Variants in GTPBP10 observed in about 807,000 individuals in gnomAD.
The protein encoded by GTPBP10 is GTP binding protein 10.
A neutral mutation model predicts 44.8 loss-of-function variants in GTPBP10; 38 were observed. That is an observed-to-expected ratio of 0.85 (90% CI 0.65 to 1.11). The LOEUF is 1.11. Among genes scored for constraint, GTPBP10 ranks in the 50% most tolerant of loss-of-function variants. The pLI, the probability that GTPBP10 is intolerant of heterozygous loss-of-function variation, is 0.00. For missense variants in GTPBP10, 462 were observed against 453.7 expected, an observed-to-expected ratio of 1.02 and a Z score of -0.17; for synonymous variants, 152 against 150.6, an observed-to-expected ratio of 1.01 and a Z score of -0.07.
At chr7:90,362,772 C>T (rs1437451766) in intron 4 of GTPBP10, among the ~76,000 whole-genome samples, 5 of 152,144 alleles carry the variant, frequency 3.3e-5, no homozygotes, top group African/African-American at 1.2e-4. Context: ...GAGTCTAAGT[C>T]TCTTTGTAGG....
chr7:90,369,127 G>A (rs769529923), intron 4 of GTPBP10, among the ~76,000 whole-genome samples: 7 of 152,206 alleles, frequency 4.6e-5, no homozygotes, highest in Middle Eastern at 3.2e-3. Context: ...AGCGGAGGCT[G>A]CAGAACAGCA....
intron 9 of GTPBP10, among the ~76,000 whole-genome samples, chr7:90,384,557 T>G (rs1796489519): frequency 6.6e-6 from 1 of 152,148 alleles, no homozygotes; most frequent in Non-Finnish European, 1.5e-5. Context: ...TTACAGAAAG[T>G]ATCTTTCAGA....
In GTPBP10 at chr7:90,352,631, A is replaced by G. The variant is rs73707449; in HGVS notation, c.34-185A>G. ...AAACTAAAAGGGACTTAAGAGAGAT[A>G]ATCAAATGGGAAAGGGGGTCAGATC... On this transcript the variant is annotated intron_variant, in intron 1 of 9. Coordinates refer to ENST00000222511, the MANE Select transcript of GTPBP10 (RefSeq NM_033107.4). Among the ~76,000 whole-genome samples, 1,151 of 152,316 alleles carry G rather than the reference A, an allele frequency of 7.6e-3. 12 individuals are homozygous for G. Among genetic ancestry groups the G allele is most frequent in the African/African-American group, 0.026 (1,100 of 41,574 alleles).
intron 5 of GTPBP10, 42 bp downstream of exon 5, chr7:90,372,270 A>G (rs1796271471): frequency 8.5e-7 from 1 of 1,179,064 alleles, no homozygotes; most frequent in Admixed American, 2.0e-5. Flanking sequence ...GTGGAGGTAA[A>G]CTTTTAAAGA....
rs544493634 is a variant in GTPBP10, at chr7:90,353,803, T to C, written c.228-655T>C. 6.8e-5 allele frequency among the ~76,000 whole-genome samples: 10 copies of C among 146,926 alleles called. No homozygotes were observed. The South Asian group carries it at 2.2e-3, about 33-fold the overall frequency. ...TTTAAAAGCTTTGCTATTTGGTGGA[T>C]TTTCTTTTTTTTTTTATAGATTCAT... On this transcript the variant is annotated intron_variant, in intron 2 of 9. Coordinates refer to ENST00000222511, the MANE Select transcript of GTPBP10 (RefSeq NM_033107.4).
chr7:90,388,124 CAA>C lies in GTPBP10; in HGVS notation c.*2972_*2973del, dbSNP rs35714574. 4 of 152,258 alleles carry C rather than the reference CAA, an allele frequency of 2.6e-5. 1 individual carries two copies. Among genetic ancestry groups the C allele is most frequent in the African/African-American group, 7.2e-5 (3 of 41,558 alleles). The allele number at this position is 152,258 out of a possible 1,614,324, so 9.4% of individuals were successfully genotyped here. On this transcript the variant is annotated 3_prime_UTR_variant, in exon 10 of 10. Coordinates refer to ENST00000222511, the MANE Select transcript of GTPBP10 (RefSeq NM_033107.4). The stretch of plus-strand genomic sequence containing the variant: ...AATTCATTAGTATTTTCTGGTTACT[CAA>C]AGTGTACTCTATGTACCTTTTTTTG...
rs1440458387 is a variant in GTPBP10 at position 90,374,372 on chromosome 7, A to G, written c.591+18A>G. On this transcript the variant is annotated intron_variant, in intron 6 of 9. Coordinates refer to ENST00000222511, the MANE Select transcript of GTPBP10 (RefSeq NM_033107.4). ...TCAAACAGGTAGGTATTTTTAAAGT[A>G]AAACACTATATTAGAAGTCAAAAGT... 3 of 1,499,744 alleles carry G rather than the reference A, an allele frequency of 2.0e-6. No homozygotes were observed. Among genetic ancestry groups the G allele is most frequent in the Non-Finnish European group, 1.9e-6 (2 of 1,077,952 alleles). 92.9% of individuals were successfully genotyped at this position (1,499,744 alleles called of 1,614,324 possible).
chr7:90,360,803 C>G (rs1303746596), intron 4 of GTPBP10, among the ~76,000 whole-genome samples: 1 of 152,160 alleles, frequency 6.6e-6, no homozygotes, highest in African/African-American at 2.4e-5. Flanking sequence ...TTTGTGTCCT[C>G]TTTTATTTCG....
At chr7:90,352,016 A>G (rs1381847688) in intron 1 of GTPBP10, among the ~76,000 whole-genome samples, 1 of 152,150 alleles carries the variant, frequency 6.6e-6, no homozygotes, top group Non-Finnish European at 1.5e-5. Flanking sequence ...TTTTTAATGC[A>G]TGGTTTTTGA....
chr7:90,358,903 A>G (rs1350056916), intron 4 of GTPBP10, among the ~76,000 whole-genome samples: 2 of 152,208 alleles, frequency 1.3e-5, no homozygotes, highest in East Asian at 1.9e-4. Context: ...TCAGCAAGGA[A>G]AAAACAATTC....
In GTPBP10 at chr7:90,385,094, G is replaced by A. The variant is rs17863999; in HGVS notation, c.1104G>A (p.Met368Ile). The change falls in exon 10 of 10, where the codon ATG becomes ATA. Residue 368 changes from methionine to isoleucine, a missense_variant. Transcript: ENST00000222511. ...QLLNLWISDT[M>I]SSTEPPSKHA... ...TTAATTTGTGGATTTCTGATACAAT[G>A]TCTTCTACTGAGCCACCATCAAAGC... 0.2 allele frequency: 321,002 copies of A among 1,611,134 alleles called. 32,894 individuals carry two copies. Among genetic ancestry groups the A allele is most frequent in the African/African-American group, 0.22 (16,681 of 74,896 alleles).
At position 90,372,193 on chromosome 7, in the gene GTPBP10, T is replaced by A; in HGVS notation, c.503T>A (p.Val168Asp). 6.2e-7 allele frequency: 1 copy of A among 1,607,718 alleles called. No individual in the cohort carries two copies. The highest frequency in any genetic ancestry group is 1.1e-5 in the South Asian group (1 of 90,336). ...NAGKSSLLSC[V>D]SHAKPAIADY... is the part of the protein sequence containing the mutation. ...GGAAAATCCTCTTTGCTAAGTTGTG[T>A]TTCTCATGCAAAACCTGCAATTGCA... The change falls in exon 5 of 10, where the codon GTT becomes GAT. Residue 168 changes from valine to aspartate, a missense_variant. Coordinates refer to ENST00000222511, the MANE Select transcript of GTPBP10 (RefSeq NM_033107.4).
At chr7:90,383,287 G>A (rs1033313715) in intron 9 of GTPBP10, among the ~76,000 whole-genome samples, 1 of 152,078 alleles carries the variant, frequency 6.6e-6, no homozygotes, top group Non-Finnish European at 1.5e-5. Context: ...GGAGACAAAA[G>A]AAAGATTAAT....
At chr7:90,375,841 A>G (rs938099495) in intron 6 of GTPBP10, among the ~76,000 whole-genome samples, 4 of 152,092 alleles carry the variant, frequency 2.6e-5, no homozygotes, top group African/African-American at 9.7e-5. Context: ...CTTAGGCCCC[A>G]GAGATTTGAA....
rs34101888 is a variant in GTPBP10 at position 90,359,127 on chromosome 7, C to CT, written c.464+3908dup. ...AGATGTGGGGAAAAGAGAACTCATA[C>CT]TTTTTTTTTTTCTTTAACTTAAAAA... On this transcript the variant is annotated intron_variant, in intron 4 of 9. Transcript: ENST00000222511. Among the ~76,000 whole-genome samples, 1,059 of 147,658 alleles carry CT rather than the reference C, an allele frequency of 7.2e-3. 13 individuals are homozygous for CT. Among genetic ancestry groups the CT allele is most frequent in the African/African-American group, 0.023 (932 of 40,338 alleles).
chr7:90,347,026 T>C (rs1026674393), intron 1 of GTPBP10, among the ~76,000 whole-genome samples: 5 of 152,208 alleles, frequency 3.3e-5, no homozygotes, highest in African/African-American at 1.2e-4. Context: ...AGTGTGCACG[T>C]GGTATGAGGA....
At chr7:90,350,294 G>T (rs1347608834) in intron 1 of GTPBP10, among the ~76,000 whole-genome samples, 2 of 152,134 alleles carry the variant, frequency 1.3e-5, no homozygotes, top group Non-Finnish European at 2.9e-5. Context: ...TCTTAATCCA[G>T]TCTATCATTG....
chr7:90,378,796 G>A (rs186382193), intron 8 of GTPBP10, among the ~76,000 whole-genome samples: 102 of 151,862 alleles, frequency 6.7e-4, no homozygotes, highest in Non-Finnish European at 1.1e-3. Flanking sequence ...TCTGTCTCCC[G>A]GGCTCAAGTG....
At chr7:90,380,010 A>G (rs1796406134) in intron 8 of GTPBP10, among the ~76,000 whole-genome samples, 1 of 142,404 alleles carries the variant, frequency 7.0e-6, no homozygotes, top group African/African-American at 2.6e-5. Flanking sequence ...TACTATTTGT[A>G]TTATTTGTCT....
Sources: gnomAD v4.1 joint callset for allele counts (sites outside exome capture counted in the v4.1 genomes callset) on GRCh38, gnomAD v4.1.1 for gene constraint, MANE v1.5 for transcripts, NCBI Gene and HGNC (gene_info 2026-07-23, HGNC 2026-07-21) for gene names.